LMO7: variants seen among roughly 807,000 people sequenced by gnomAD.
The protein encoded by LMO7 is LIM domain 7.
Under a neutral mutation model 206.5 loss-of-function variants are expected in LMO7, and 120 were observed. The ratio of observed to expected loss-of-function variants is 0.58; its 90% CI spans 0.50 to 0.68. The LOEUF is 0.68. LMO7 is among the 30% of genes least tolerant of loss of function. The pLI, the probability that LMO7 is intolerant of heterozygous loss-of-function variation, is 0.00. For synonymous variants in LMO7, 706 were observed against 681.5 expected (o/e 1.04, Z -0.56); for missense variants, 1,959 against 1,957.9 (o/e 1.00, Z -0.01).
In LMO7 at chr13:75,636,398, A is replaced by G. The variant is rs2138931507; in HGVS notation, c.-260A>G. 7.6e-7 allele frequency: 1 copy of G among 1,313,516 alleles called. No homozygotes were observed. The highest frequency in any genetic ancestry group is 3.8e-5 in the Admixed American group (1 of 26,016). 81.4% of individuals were successfully genotyped at this position (1,313,516 alleles called of 1,614,324 possible). On this transcript the variant is annotated 5_prime_UTR_variant, in exon 1 of 31. Coordinates refer to ENST00000377534, the MANE Select transcript of LMO7 (RefSeq NM_001306080.2). ...CGCTTCGCTTCCCGCGTCCTGCCTGACTGCCCGGGTCCCCGCGGGCCTTGG... is the reference window on the plus strand; with the variant it reads ...CGCTTCGCTTCCCGCGTCCTGCCTGGCTGCCCGGGTCCCCGCGGGCCTTGG...
intron 15 of LMO7, 74 bp downstream of exon 15, chr13:75,823,947 A>C: frequency 8.1e-7 from 1 of 1,238,454 alleles, no homozygotes; most frequent in Non-Finnish European, 1.2e-6. Flanking sequence ...CATGTCTCAA[A>C]TGTCAAACCT....
At chr13:75,677,814 C>T (rs2040146048) in intron 1 of LMO7, among the ~76,000 whole-genome samples, 2 of 131,168 alleles carry the variant, frequency 1.5e-5, no homozygotes, top group Admixed American at 1.7e-4. Context: ...CACAACAGTC[C>T]CCGGTGTGTG....
At chr13:75,838,408 C>T in intron 20 of LMO7, 1 of 1,326,280 alleles carries the variant, frequency 7.5e-7, no homozygotes, top group Non-Finnish European at 1.0e-6. Context: ...CTTTGTGTGT[C>T]CTTTGTATAC....
chr13:75,641,747 TGGATTTAA>T (rs2036554374), intron 1 of LMO7, among the ~76,000 whole-genome samples: 1 of 152,128 alleles, frequency 6.6e-6, no homozygotes, highest in Non-Finnish European at 1.5e-5. Flanking sequence ...CTTCGCCTCC[TGGATTTAA>T]GTGATTCTCC....
chr13:75,851,693 T>A (rs1289420528), intron 27 of LMO7, among the ~76,000 whole-genome samples: 2 of 149,572 alleles, frequency 1.3e-5, no homozygotes, highest in African/African-American at 5.1e-5. Context: ...TGTTAGTACA[T>A]GAATTTTAAG....
intron 26 of LMO7, among the ~76,000 whole-genome samples, chr13:75,847,908 C>T (rs1352174846): frequency 1.3e-5 from 2 of 152,138 alleles, no homozygotes; most frequent in African/African-American, 4.8e-5. Context: ...TGTTAGCACA[C>T]GTGCACAATG....
intron 1 of LMO7, among the ~76,000 whole-genome samples, chr13:75,699,395 A>G (rs2042121292): frequency 7.3e-6 from 1 of 136,828 alleles, no homozygotes; most frequent in Non-Finnish European, 1.5e-5. Context: ...ACAATTTCCA[A>G]GATAGAAGAT....
At chr13:75,675,944 A>G (rs904945896) in intron 1 of LMO7, among the ~76,000 whole-genome samples, 1 of 152,164 alleles carries the variant, frequency 6.6e-6, no homozygotes, top group African/African-American at 2.4e-5. Flanking sequence ...ATCTTAGATG[A>G]AGCAAAGTCA....
At chr13:75,825,873 G>A (rs2058067456) in intron 15 of LMO7, among the ~76,000 whole-genome samples, 1 of 152,128 alleles carries the variant, frequency 6.6e-6, no homozygotes, top group African/African-American at 2.4e-5. Context: ...ATCAAGAGTA[G>A]CATGTGGCTG....
In LMO7 at chr13:75,859,449, T is replaced by A. The variant is rs2061156308; in HGVS notation, c.*1506T>A. 6.6e-6 allele frequency: 1 copy of A among 152,210 alleles called. No homozygotes were observed. The highest frequency in any genetic ancestry group is 2.4e-5 in the African/African-American group (1 of 41,448). 9.4% of individuals were successfully genotyped at this position (152,210 alleles called of 1,614,324 possible). ...TTTTCCATGTTCTTAAAATTATTTT[T>A]ATCTTTTTTCATGGTTGCATAGTGC... On this transcript the variant is annotated 3_prime_UTR_variant, in exon 31 of 31. Transcript: ENST00000377534.
chr13:75,743,999 A>C (rs1415445078), intron 3 of LMO7, among the ~76,000 whole-genome samples: 1 of 152,234 alleles, frequency 6.6e-6, no homozygotes, highest in Non-Finnish European at 1.5e-5. Flanking sequence ...CAGTATGAAT[A>C]AACTGAAGAT....
intron 1 of LMO7, among the ~76,000 whole-genome samples, chr13:75,637,084 A>AGCTGGGCCAGG: frequency 6.6e-6 from 1 of 151,690 alleles, no homozygotes. Flanking sequence ...CGCGGTGCAG[A>AGCTGGGCCAGG]GCTGGGCCAG....
At chr13:75,638,985 T>A (rs2036243803) in intron 1 of LMO7, among the ~76,000 whole-genome samples, 1 of 152,190 alleles carries the variant, frequency 6.6e-6, no homozygotes, top group Non-Finnish European at 1.5e-5. Context: ...ATATATTGTA[T>A]ATGTATGTAC....
At chr13:75,623,366 G>A (rs975460299) in intron 2 of LMO7, 5 of 1,087,316 alleles carry the variant, frequency 4.6e-6, no homozygotes, top group African/African-American at 3.1e-5. Context: ...AAAGGCCAAA[G>A]CATTTTTTTC....
Position 75,807,591 on chromosome 13 carries a change from G to A in LMO7, c.1308G>A (p.Lys436=). The A allele has an allele frequency of 6.2e-7, 1 of 1,613,910 alleles. No homozygotes were observed. The highest frequency in any genetic ancestry group is 8.5e-7 in the Non-Finnish European group (1 of 1,179,884). ...GCCCAAGGCTCATAACCCGCAGGAA[G>A]AATCTCTCTTATGCACCAGGCTATA... ...TSGPRLITRR[K]NLSYAPGYRR... is the part of the protein sequence containing the mutation. Residue 436 remains lysine, a synonymous_variant, in exon 10 of 31, where the codon AAG becomes AAA. Transcript: ENST00000377534.
At chr13:75,743,930 C>T (rs894397028) in intron 3 of LMO7, among the ~76,000 whole-genome samples, 21 of 152,208 alleles carry the variant, frequency 1.4e-4, no homozygotes, top group African/African-American at 4.8e-4. Context: ...TTTGTAATGT[C>T]TATTTTACTG....
chr13:75,700,029 C>T (rs183233707), intron 1 of LMO7, among the ~76,000 whole-genome samples: 29 of 152,306 alleles, frequency 1.9e-4, no homozygotes, highest in Admixed American at 1.0e-3. Context: ...TTCTCCTATT[C>T]GCTTTTACAA....
intron 1 of LMO7, among the ~76,000 whole-genome samples, chr13:75,701,796 G>GAT (rs1566325716): frequency 6.6e-6 from 1 of 152,148 alleles, no homozygotes; most frequent in African/African-American, 2.4e-5. Flanking sequence ...TTAACATAAT[G>GAT]AAGCATAGGC....
intron 3 of LMO7, among the ~76,000 whole-genome samples, chr13:75,730,353 T>C (rs1221130539): frequency 6.6e-6 from 1 of 152,206 alleles, no homozygotes; most frequent in Admixed American, 6.5e-5. Context: ...TGGTTTAGTC[T>C]TGGGAGAGTG....
Sources: gnomAD v4.1 joint callset for allele counts (sites outside exome capture counted in the v4.1 genomes callset) on GRCh38, gnomAD v4.1.1 for gene constraint, MANE v1.5 for transcripts, NCBI Gene and HGNC (gene_info 2026-07-23, HGNC 2026-07-21) for gene names.